ZNF804A: variants seen among roughly 807,000 people sequenced by gnomAD.
ZNF804A encodes zinc finger protein 804A.
Under a neutral mutation model 16.5 loss-of-function variants are expected in ZNF804A, and 2 were observed. The observed-to-expected ratio is 0.12, with a 90% confidence interval of 0.05 to 0.38. The LOEUF is 0.38. ZNF804A is among the 10% of genes least tolerant of loss of function. The pLI is 0.99. For synonymous variants in ZNF804A, 534 were observed against 489.6 expected (o/e 1.09, Z -1.20); for missense variants, 1,473 against 1,390.7 (o/e 1.06, Z -0.94).
At chr2:184,799,893 TCA>T (rs899625256) in intron 1 of ZNF804A, among the ~76,000 whole-genome samples, 2 of 152,136 alleles carry the variant, frequency 1.3e-5, no homozygotes, top group African/African-American at 4.8e-5. Flanking sequence ...ATGATTACTA[TCA>T]ATTGCCTTAA....
rs185740197 is a variant in ZNF804A at position 184,939,134 on chromosome 2, C to T, written c.*108C>T. 1.6e-3 allele frequency: 2,149 copies of T among 1,350,474 alleles called. 11 individuals carry two copies. The highest frequency in any genetic ancestry group is 0.014 in the Middle Eastern group (75 of 5,242). The allele number at this position is 1,350,474 out of a possible 1,614,324, so 83.7% of individuals were successfully genotyped here. A position where few individuals can be genotyped will look rare whatever the true frequency, so the allele number is the denominator to read the frequency against. On this transcript the variant is annotated 3_prime_UTR_variant, in exon 4 of 4. Coordinates refer to ENST00000302277, the MANE Select transcript of ZNF804A (RefSeq NM_194250.2). The stretch of plus-strand genomic sequence containing the variant: ...ATTTAACTGGTGGAAATAAACTGGC[C>T]GATACATGGCGTCATTGGTTTGAAA...
At chr2:184,831,878 A>T (rs1695266518) in intron 1 of ZNF804A, among the ~76,000 whole-genome samples, 1 of 152,042 alleles carries the variant, frequency 6.6e-6, no homozygotes, top group Non-Finnish European at 1.5e-5. Context: ...CCAGGAATAT[A>T]AATGGAACCT....
intron 1 of ZNF804A, among the ~76,000 whole-genome samples, chr2:184,670,675 T>C (rs555613502): frequency 6.6e-6 from 1 of 152,292 alleles, no homozygotes; most frequent in Non-Finnish European, 1.5e-5. Context: ...ATGGATGTTA[T>C]ATTTTTCTTT....
chr2:184,656,535 T>G (rs1336077991), intron 1 of ZNF804A, among the ~76,000 whole-genome samples: 3 of 151,346 alleles, frequency 2.0e-5, no homozygotes, highest in African/African-American at 7.3e-5. Context: ...TGGATTGAGG[T>G]TAATCAACTA....
At chr2:184,674,843 T>G (rs1207092820) in intron 1 of ZNF804A, among the ~76,000 whole-genome samples, 1 of 151,746 alleles carries the variant, frequency 6.6e-6, no homozygotes, top group Non-Finnish European at 1.5e-5. Context: ...TTAAAAAAAG[T>G]AAAATTCCAT....
chr2:184,788,654 A>T (rs1279038962), intron 1 of ZNF804A, among the ~76,000 whole-genome samples: 3 of 152,052 alleles, frequency 2.0e-5, no homozygotes, highest in Non-Finnish European at 4.4e-5. Flanking sequence ...TGGTGTATAC[A>T]AATGCTATTA....
At chr2:184,804,088 A>T (rs1694765350) in intron 1 of ZNF804A, among the ~76,000 whole-genome samples, 1 of 150,820 alleles carries the variant, frequency 6.6e-6, no homozygotes, top group Non-Finnish European at 1.5e-5. Context: ...CTGGTCTTGA[A>T]CTCCTGACCT....
intron 1 of ZNF804A, among the ~76,000 whole-genome samples, chr2:184,842,564 T>C (rs1335891672): frequency 6.6e-6 from 1 of 152,028 alleles, no homozygotes; most frequent in Non-Finnish European, 1.5e-5. Flanking sequence ...ATAGTAGAAC[T>C]AGTATAAAAT....
At chr2:184,773,181 A>G (rs1027582108) in intron 1 of ZNF804A, among the ~76,000 whole-genome samples, 2 of 147,372 alleles carry the variant, frequency 1.4e-5, no homozygotes, top group African/African-American at 2.4e-5. Flanking sequence ...GCTTACTTTT[A>G]AAAAAAACAG....
At chr2:184,841,848 G>T (rs895313597) in intron 1 of ZNF804A, among the ~76,000 whole-genome samples, 6 of 152,038 alleles carry the variant, frequency 3.9e-5, no homozygotes, top group Non-Finnish European at 7.4e-5. Flanking sequence ...GAGACAGAGG[G>T]TTAGCAGATA....
chr2:184,671,203 T>C lies in ZNF804A; in HGVS notation c.111+72133T>C, dbSNP rs563272940. 7.2e-4 allele frequency among the ~76,000 whole-genome samples: 109 copies of C among 152,308 alleles called. 1 individual carries two copies. The highest frequency in any genetic ancestry group is 5.6e-3 in the South Asian group (27 of 4,822). On this transcript the variant is annotated intron_variant, in intron 1 of 3. Coordinates refer to ENST00000302277, the MANE Select transcript of ZNF804A (RefSeq NM_194250.2). ...GTTTTGAATCAATGAGCCCAGTTGC[T>C]TTTACTCACCATCTGTGTAGACATT...
At chr2:184,712,211 A>G (rs959154638) in intron 1 of ZNF804A, among the ~76,000 whole-genome samples, 4 of 151,722 alleles carry the variant, frequency 2.6e-5, no homozygotes, top group East Asian at 1.9e-4. Flanking sequence ...TATGAAGTTA[A>G]TTCTTTTTGA....
At chr2:184,763,154 C>T (rs1260092722) in intron 1 of ZNF804A, among the ~76,000 whole-genome samples, 1 of 152,024 alleles carries the variant, frequency 6.6e-6, no homozygotes, top group South Asian at 2.1e-4. Flanking sequence ...CAGGATGAAT[C>T]GTGTCCCCAA....
intron 1 of ZNF804A, among the ~76,000 whole-genome samples, chr2:184,710,290 C>T (rs956552119): frequency 6.6e-6 from 1 of 151,604 alleles, no homozygotes; most frequent in Non-Finnish European, 1.5e-5. Flanking sequence ...CCTTGTGCCC[C>T]TTTACAATAA....
intron 1 of ZNF804A, among the ~76,000 whole-genome samples, chr2:184,783,253 A>G (rs1180759832): frequency 6.8e-6 from 1 of 147,984 alleles, no homozygotes; most frequent in Non-Finnish European, 1.5e-5. Context: ...AGGCAACAGT[A>G]TCTGGCCCAA....
At chr2:184,661,725 A>G (rs187433977) in intron 1 of ZNF804A, among the ~76,000 whole-genome samples, 1 of 152,298 alleles carries the variant, frequency 6.6e-6, no homozygotes, top group East Asian at 1.9e-4. Flanking sequence ...TTTCAGGCTG[A>G]ATTCAACTGT....
intron 1 of ZNF804A, among the ~76,000 whole-genome samples, chr2:184,609,670 G>A (rs770051206): frequency 3.3e-5 from 5 of 152,234 alleles, no homozygotes; most frequent in Non-Finnish European, 7.3e-5. Flanking sequence ...ATGGACGACA[G>A]AGAGGGAGGT....
intron 1 of ZNF804A, among the ~76,000 whole-genome samples, chr2:184,699,621 A>T (rs889581672): frequency 9.2e-5 from 14 of 152,144 alleles, no homozygotes; most frequent in Non-Finnish European, 4.4e-5. Flanking sequence ...GTAGTCCTGA[A>T]AATCAAGCTA....
At chr2:184,734,397 AT>A (rs1225189697) in intron 1 of ZNF804A, among the ~76,000 whole-genome samples, 1 of 152,222 alleles carries the variant, frequency 6.6e-6, no homozygotes. Context: ...TATTAAAAAA[AT>A]TCTCATGAAA....
Sources: allele counts gnomAD v4.1 joint callset (sites outside exome capture counted in the v4.1 genomes callset), GRCh38; gene constraint gnomAD v4.1.1; transcripts MANE v1.5; gene names NCBI Gene and HGNC (gene_info 2026-07-23, HGNC 2026-07-21).